GPC6: variants seen among roughly 807,000 people sequenced by gnomAD.
GPC6 encodes glypican 6.
Under a neutral mutation model 55.2 loss-of-function variants are expected in GPC6, and 14 were observed. The ratio of observed to expected loss-of-function variants is 0.25; its 90% CI spans 0.17 to 0.40. GPC6 has a LOEUF of 0.40. GPC6 is among the 10% of genes least tolerant of loss of function. The pLI, the probability that GPC6 is intolerant of heterozygous loss-of-function variation, is 1.00. For synonymous variants in GPC6, 278 were observed against 259.6 expected, an observed-to-expected ratio of 1.07 and a Z score of -0.68; for missense variants, 641 against 708.5, an observed-to-expected ratio of 0.90 and a Z score of 1.08.
chr13:93,398,497 G>A (rs1158832852), intron 1 of GPC6, among the ~76,000 whole-genome samples: 2 of 152,136 alleles, frequency 1.3e-5, no homozygotes, highest in Non-Finnish European at 2.9e-5. Context: ...GGAGTGTTGA[G>A]GACATGAGTA....
chr13:93,571,167 A>G (rs1235572111), intron 2 of GPC6, among the ~76,000 whole-genome samples: 1 of 152,078 alleles, frequency 6.6e-6, no homozygotes, highest in Non-Finnish European at 1.5e-5. Context: ...TAACAGGGAG[A>G]TCTAGATTTG....
chr13:93,855,508 G>A (rs1399402572), intron 3 of GPC6, among the ~76,000 whole-genome samples: 1 of 151,666 alleles, frequency 6.6e-6, no homozygotes, highest in Non-Finnish European at 1.5e-5. Flanking sequence ...GGAGGTTTTT[G>A]TGTGGATATG....
chr13:93,939,113 A>T (rs1878592829), intron 3 of GPC6, among the ~76,000 whole-genome samples: 1 of 151,486 alleles, frequency 6.6e-6, no homozygotes, highest in Non-Finnish European at 1.5e-5. Flanking sequence ...AATAAAAAAT[A>T]AATAAATAAA....
intron 2 of GPC6, among the ~76,000 whole-genome samples, chr13:93,699,217 T>A (rs1402979524): frequency 6.6e-6 from 1 of 152,082 alleles, no homozygotes; most frequent in Non-Finnish European, 1.5e-5. Flanking sequence ...CAGCCAAGAT[T>A]GCGAAGTTTA....
chr13:93,378,282 G>A (rs1158714565), intron 1 of GPC6, among the ~76,000 whole-genome samples: 2 of 152,074 alleles, frequency 1.3e-5, no homozygotes, highest in Non-Finnish European at 2.9e-5. Flanking sequence ...ATGAAGTAAG[G>A]CACTAGCTCC....
chr13:93,975,266 A>G (rs1334467454), intron 3 of GPC6, among the ~76,000 whole-genome samples: 1 of 151,990 alleles, frequency 6.6e-6, no homozygotes, highest in African/African-American at 2.4e-5. Context: ...ATTATGTTAA[A>G]CTCTTGCCAA....
chr13:93,985,769 C>T (rs1268492991), intron 3 of GPC6, among the ~76,000 whole-genome samples: 1 of 151,238 alleles, frequency 6.6e-6, no homozygotes, highest in Non-Finnish European at 1.5e-5. Context: ...ACTGCATACT[C>T]GCTTTCTGCT....
chr13:93,279,680 C>T (rs1034336110), intron 1 of GPC6, among the ~76,000 whole-genome samples: 1 of 152,166 alleles, frequency 6.6e-6, no homozygotes, highest in Non-Finnish European at 1.5e-5. Flanking sequence ...CGAGGCAGGG[C>T]AGTGCATAGC....
At chr13:94,144,738 A>G (rs1593982756) in intron 4 of GPC6, among the ~76,000 whole-genome samples, 1 of 152,258 alleles carries the variant, frequency 6.6e-6, no homozygotes, top group East Asian at 1.9e-4. Context: ...GGTGTAATTC[A>G]GAGTGATCTT....
chr13:94,111,892 C>T (rs961272777), intron 4 of GPC6, among the ~76,000 whole-genome samples: 5 of 152,056 alleles, frequency 3.3e-5, no homozygotes, highest in Non-Finnish European at 5.9e-5. Context: ...CTTTTTGAAG[C>T]CGTGGACCCT....
In GPC6 at chr13:93,624,783, G is replaced by A. The variant is rs115163415; in HGVS notation, c.319+79362G>A. On this transcript the variant is annotated intron_variant, in intron 2 of 8. Transcript: ENST00000377047. ...TCAGTATCCATTATCATGACAAGTAGCACTTTTAAATAAACCAAGGGCTAA... is the reference window on the plus strand; with the variant it reads ...TCAGTATCCATTATCATGACAAGTAACACTTTTAAATAAACCAAGGGCTAA... 5.4e-3 allele frequency among the ~76,000 whole-genome samples: 820 copies of A among 152,272 alleles called. 6 individuals are homozygous for A. Among genetic ancestry groups the A allele is most frequent in the African/African-American group, 0.019 (786 of 41,548 alleles).
At chr13:94,000,949 G>A (rs1459436332) in intron 3 of GPC6, among the ~76,000 whole-genome samples, 6 of 152,162 alleles carry the variant, frequency 3.9e-5, no homozygotes, top group South Asian at 2.1e-4. Flanking sequence ...GATGCTTAGC[G>A]TTACTTGATT....
chr13:93,976,181 T>C (rs1160967896), intron 3 of GPC6, among the ~76,000 whole-genome samples: 1 of 152,174 alleles, frequency 6.6e-6, no homozygotes, highest in African/African-American at 2.4e-5. Flanking sequence ...TCTCCTCTGA[T>C]GCTGTTAGAA....
At chr13:94,017,251 GT>G (rs1566292125) in intron 3 of GPC6, among the ~76,000 whole-genome samples, 2 of 152,084 alleles carry the variant, frequency 1.3e-5, no homozygotes, top group African/African-American at 2.4e-5. Flanking sequence ...GCTCCAGAAG[GT>G]TTTTTTATGG....
intron 1 of GPC6, among the ~76,000 whole-genome samples, chr13:93,500,510 G>A (rs1025218915): frequency 1.8e-5 from 1 of 55,600 alleles, no homozygotes; most frequent in Non-Finnish European, 3.7e-5. Context: ...TATATGAAAG[G>A]CATCCAAACT....
At chr13:93,512,833 A>G (rs1269038212) in intron 1 of GPC6, among the ~76,000 whole-genome samples, 1 of 152,154 alleles carries the variant, frequency 6.6e-6, no homozygotes. Context: ...AAACAATAAT[A>G]TGCTAAAAGG....
intron 1 of GPC6, among the ~76,000 whole-genome samples, chr13:93,450,056 G>A (rs949209005): frequency 2.6e-5 from 4 of 152,034 alleles, no homozygotes; most frequent in South Asian, 2.1e-4. Context: ...TGCTGTGTGC[G>A]ATTACAGGCG....
At chr13:93,379,655 C>T (rs1262554259) in intron 1 of GPC6, among the ~76,000 whole-genome samples, 5 of 152,046 alleles carry the variant, frequency 3.3e-5, no homozygotes, top group African/African-American at 4.8e-5. Context: ...GGAAATCTCT[C>T]GTAATAAAAT....
chr13:94,084,382 T>C (rs1885211215), intron 4 of GPC6, among the ~76,000 whole-genome samples: 1 of 152,160 alleles, frequency 6.6e-6, no homozygotes, highest in African/African-American at 2.4e-5. Flanking sequence ...ATTATATATA[T>C]TCTATTTGAG....
Sources: gnomAD v4.1 joint callset for allele counts (sites outside exome capture counted in the v4.1 genomes callset) on GRCh38, gnomAD v4.1.1 for gene constraint, MANE v1.5 for transcripts, NCBI Gene and HGNC (gene_info 2026-07-23, HGNC 2026-07-21) for gene names.